The following DENND2A variants were observed in gnomAD, a reference collection of about 807,000 sequenced individuals.
DENND2A encodes DENN domain-containing protein 2A.
Under a neutral mutation model 105.3 loss-of-function variants are expected in DENND2A, and 53 were observed. The ratio of observed to expected loss-of-function variants is 0.50; its 90% CI spans 0.40 to 0.63. The LOEUF is 0.63. Among genes scored for constraint, DENND2A ranks in the 30% least tolerant of loss-of-function variants. The probability of loss-of-function intolerance (pLI) is 0.00; values close to 1 mark genes in which losing one functional copy is unlikely to be tolerated. For missense variants in DENND2A, 1,138 were observed against 1,279.6 expected, an observed-to-expected ratio of 0.89 and a Z score of 1.69; for synonymous variants, 522 against 508.4, an observed-to-expected ratio of 1.03 and a Z score of -0.36.
chr7:140,563,107 T>C (rs1797696640), intron 9 of DENND2A, among the ~76,000 whole-genome samples: 1 of 152,116 alleles, frequency 6.6e-6, no homozygotes, highest in African/African-American at 2.4e-5. Flanking sequence ...CAGCCAAGAA[T>C]ACCAAAGGGA....
At chr7:140,632,738 T>A (rs1800775786) in intron 1 of DENND2A, among the ~76,000 whole-genome samples, 1 of 150,132 alleles carries the variant, frequency 6.7e-6, no homozygotes, top group South Asian at 2.1e-4. Context: ...CCGGCTAATT[T>A]TTGTATTTTT....
At chr7:140,611,775 G>T (rs369176809) in intron 1 of DENND2A, among the ~76,000 whole-genome samples, 1 of 152,350 alleles carries the variant, frequency 6.6e-6, no homozygotes, top group East Asian at 1.9e-4. Context: ...AATTCACAGA[G>T]ACGGATGGTA....
chr7:140,615,244 T>C (rs1800042128), intron 1 of DENND2A, among the ~76,000 whole-genome samples: 1 of 152,208 alleles, frequency 6.6e-6, no homozygotes, highest in Non-Finnish European at 1.5e-5. Flanking sequence ...TGATTCGTTA[T>C]ATTTTCAAAA....
At chr7:140,631,706 T>C (rs1027511217) in intron 1 of DENND2A, among the ~76,000 whole-genome samples, 2 of 152,182 alleles carry the variant, frequency 1.3e-5, no homozygotes, top group Non-Finnish European at 2.9e-5. Flanking sequence ...CACCACAAGA[T>C]GCCAGGGAGT....
intron 5 of DENND2A, among the ~76,000 whole-genome samples, chr7:140,579,931 A>G (rs1798468050): frequency 1.3e-5 from 2 of 152,134 alleles, no homozygotes; most frequent in African/African-American, 4.8e-5. Flanking sequence ...CAGGAGTTCA[A>G]GACCAGCCTG....
chr7:140,519,995 C>T (rs1387987605), intron 18 of DENND2A, among the ~76,000 whole-genome samples: 2 of 152,080 alleles, frequency 1.3e-5, no homozygotes, highest in African/African-American at 2.4e-5. Flanking sequence ...CTGTGCCAGG[C>T]GGGCAGTTTT....
At position 140,601,714 on chromosome 7, in the gene DENND2A, G is replaced by A. The variant is rs1315226113; in HGVS notation, c.684C>T (p.Thr228=). Residue 228 remains threonine, a synonymous_variant, in exon 3 of 20, where the codon ACC becomes ACT. Transcript: ENST00000496613. Reference sequence around the variant, plus strand: ...CTTTCCTGTCCTCCACAAGCTCAGGGGTGGGCTCCCTGCCTTCCAGGTCCG... The same window carrying A: ...CTTTCCTGTCCTCCACAAGCTCAGGAGTGGGCTCCCTGCCTTCCAGGTCCG... ...HPSDLEGREP[T]PELVEDRKGS... is the part of the protein sequence containing the mutation. 4 of 1,613,910 alleles carry A rather than the reference G, an allele frequency of 2.5e-6. No homozygotes were observed. In the African/African-American group the frequency reaches 4.0e-5, roughly 16 times the overall value.
At chr7:140,544,909 A>C in intron 13 of DENND2A, 143 bp from the exon 14 acceptor site, 2 of 1,376,538 alleles carry the variant, frequency 1.5e-6, no homozygotes, top group East Asian at 3.0e-5. Context: ...AAAGCAAAAC[A>C]AAAGGATTGG....
chr7:140,641,325 C>T (rs1466557762), upstream of DENND2A: 2 of 152,516 alleles, frequency 1.3e-5, no homozygotes, highest in Non-Finnish European at 2.9e-5. Context: ...AGAAGGGCTC[C>T]CAGACCGGGC....
At chr7:140,564,230 C>T (rs1468303141) in intron 9 of DENND2A, among the ~76,000 whole-genome samples, 1 of 150,888 alleles carries the variant, frequency 6.6e-6, no homozygotes, top group African/African-American at 2.4e-5. Flanking sequence ...CTTCAGTGAG[C>T]CAAGATTGCA....
chr7:140,557,532 T>TC (rs71173208), intron 11 of DENND2A, among the ~76,000 whole-genome samples: 1 of 14,288 alleles, frequency 7.0e-5, no homozygotes, highest in Non-Finnish European at 1.4e-4. Context: ...TATATATATA[T>TC]TTTTTTTTTT....
intron 2 of DENND2A, among the ~76,000 whole-genome samples, chr7:140,603,698 C>A (rs2130690797): frequency 6.6e-6 from 1 of 152,338 alleles, no homozygotes; most frequent in African/African-American, 2.4e-5. Context: ...ATTCAGATTT[C>A]ACACTTGGCT....
At chr7:140,581,969 G>GTGT (rs1798564646) in intron 5 of DENND2A, among the ~76,000 whole-genome samples, 1 of 146,538 alleles carries the variant, frequency 6.8e-6, no homozygotes, top group African/African-American at 2.5e-5. Flanking sequence ...TTGGGCAGAT[G>GTGT]TTTTTTTTTT....
At chr7:140,595,089 C>A (rs1456275180) in intron 3 of DENND2A, among the ~76,000 whole-genome samples, 1 of 151,898 alleles carries the variant, frequency 6.6e-6, no homozygotes, top group Non-Finnish European at 1.5e-5. Context: ...TCATTGCAAC[C>A]TCCACTTCCT....
intron 8 of DENND2A, 128 bp from the exon 9 acceptor site, chr7:140,567,401 T>A: frequency 3.9e-6 from 3 of 777,058 alleles, no homozygotes; most frequent in Non-Finnish European, 3.9e-6. Context: ...TGTGCCGAGC[T>A]GCAATAGGTT....
intron 19 of DENND2A, 34 bp from the exon 20 acceptor site, chr7:140,518,772 GCAGA>G: frequency 6.2e-7 from 1 of 1,608,446 alleles, no homozygotes; most frequent in Non-Finnish European, 8.5e-7. Context: ...ATTTCACAAG[GCAGA>G]CAAAGGAGGG....
At chr7:140,612,503 T>C (rs1411462723) in intron 1 of DENND2A, among the ~76,000 whole-genome samples, 1 of 143,000 alleles carries the variant, frequency 7.0e-6, no homozygotes, top group Non-Finnish European at 1.5e-5. Context: ...TTTGTTATAC[T>C]AATTTTTTTT....
rs762758494 is a variant in DENND2A at position 140,548,063 on chromosome 7, C to T, written c.2038-1124G>A. Among the ~76,000 whole-genome samples the T allele has an allele frequency of 5.3e-4, 80 of 152,142 alleles. 1 individual carries two copies. The highest frequency in any genetic ancestry group is 9.3e-4 in the Non-Finnish European group (63 of 67,984). On this transcript the variant is annotated intron_variant, in intron 12 of 19. Coordinates refer to ENST00000496613, the MANE Select transcript of DENND2A (RefSeq NM_015689.5). ...ATGGTTGTATAACTCTGTGAATATGCTGAAAGCCACTGAACTGTATATATT... is the reference window on the plus strand; with the variant it reads ...ATGGTTGTATAACTCTGTGAATATGTTGAAAGCCACTGAACTGTATATATT...
At position 140,588,766 on chromosome 7, in the gene DENND2A, C is replaced by CTTT. The variant is rs34456581; in HGVS notation, c.996-989_996-987dup. The stretch of plus-strand genomic sequence containing the variant: ...CTATTCTTATCCACTTTTTTTGGCA[C>CTTT]TTTTTTTTTTTTTTTTTGAGACCTG... On this transcript the variant is annotated intron_variant, in intron 3 of 19. Coordinates refer to ENST00000496613, the MANE Select transcript of DENND2A (RefSeq NM_015689.5). Among the ~76,000 whole-genome samples the CTTT allele has an allele frequency of 5.6e-4, 77 of 136,834 alleles. 7 individuals are homozygous for CTTT. The highest frequency in any genetic ancestry group is 6.8e-4 in the African/African-American group (25 of 36,658). The allele number at this position is 136,834 out of a possible 152,430, so 89.8% of individuals were successfully genotyped here.
Sources: gnomAD v4.1 joint callset for allele counts (sites outside exome capture counted in the v4.1 genomes callset) on GRCh38, gnomAD v4.1.1 for gene constraint, MANE v1.5 for transcripts, NCBI Gene and HGNC (gene_info 2026-07-23, HGNC 2026-07-21) for gene names.